OPA1: variants seen among roughly 807,000 people sequenced by gnomAD.
The protein encoded by OPA1 is OPA1 mitochondrial dynamin like GTPase, also known as dynamin-like GTPase OPA1, mitochondrial.
OPA1 carries 59 observed loss-of-function variants against 152.9 expected under a neutral mutation model. That is an observed-to-expected ratio of 0.39 (90% CI 0.31 to 0.48). The LOEUF is 0.48. Among genes scored for constraint, OPA1 ranks in the 20% least tolerant of loss-of-function variants. The pLI, the probability that OPA1 is intolerant of heterozygous loss-of-function variation, is 0.96. For missense variants in OPA1, 1,008 were observed against 1,216.8 expected, an observed-to-expected ratio of 0.83 and a Z score of 2.55; for synonymous variants, 400 against 389.9, an observed-to-expected ratio of 1.03 and a Z score of -0.31.
At chr3:193,641,315 C>G (rs565269514) in intron 11 of OPA1, among the ~76,000 whole-genome samples, 55 of 152,254 alleles carry the variant, frequency 3.6e-4, no homozygotes, top group Admixed American at 2.4e-3. Flanking sequence ...CTTGACCAAC[C>G]CTGAATTCCA....
intron 29 of OPA1, among the ~76,000 whole-genome samples, chr3:193,684,953 G>A (rs1444949888): frequency 6.6e-6 from 1 of 152,112 alleles, no homozygotes; most frequent in African/African-American, 2.4e-5. Context: ...AATTGTACTA[G>A]CCAAAAGGAG....
intron 1 of OPA1, among the ~76,000 whole-genome samples, chr3:193,598,114 AAAT>A (rs1173131164): frequency 8.5e-5 from 13 of 152,208 alleles, no homozygotes; most frequent in African/African-American, 3.1e-4. Context: ...CAAAAATAAA[AAAT>A]AAATATGGGA....
chr3:193,642,696 C>A, intron 11 of OPA1, 69 bp from the exon 12 acceptor site: 1 of 1,170,414 alleles, frequency 8.5e-7, no homozygotes, highest in Non-Finnish European at 1.3e-6. Flanking sequence ...GTCTAGACCA[C>A]ATACGGGCTG....
chr3:193,663,635 T>C (rs1484662889), intron 26 of OPA1, among the ~76,000 whole-genome samples: 1 of 152,066 alleles, frequency 6.6e-6, no homozygotes, highest in Non-Finnish European at 1.5e-5. Context: ...TGAACACAAT[T>C]AGAAAAATAA....
chr3:193,634,073 A>G (rs943364436), intron 8 of OPA1, among the ~76,000 whole-genome samples: 4 of 152,192 alleles, frequency 2.6e-5, no homozygotes, highest in African/African-American at 9.6e-5. Context: ...AAAGATTCCA[A>G]TAAGCTAAAA....
intron 1 of OPA1, among the ~76,000 whole-genome samples, chr3:193,614,234 G>A (rs775459840): frequency 6.6e-6 from 1 of 152,210 alleles, no homozygotes; most frequent in Non-Finnish European, 1.5e-5. Context: ...GTTCTAAACT[G>A]CTAGAAATTT....
At chr3:193,617,153 C>G in intron 3 of OPA1, 25 bp from the exon 4 acceptor site, 1 of 1,348,128 alleles carries the variant, frequency 7.4e-7, no homozygotes, top group Non-Finnish European at 1.1e-6. Flanking sequence ...TAGTTTCATA[C>G]TCTATATGTT....
intron 29 of OPA1, among the ~76,000 whole-genome samples, chr3:193,670,295 A>G (rs189321688): frequency 1.3e-5 from 2 of 152,306 alleles, no homozygotes; most frequent in Non-Finnish European, 1.5e-5. Context: ...AATATTGTAT[A>G]GAGTGTTAAA....
chr3:193,656,152 G>A (rs1713755336), intron 22 of OPA1, among the ~76,000 whole-genome samples: 1 of 152,094 alleles, frequency 6.6e-6, no homozygotes, highest in Non-Finnish European at 1.5e-5. Context: ...TCTGCGCCCT[G>A]TCCCATGATA....
At chr3:193,691,168 C>T (rs897910041) in intron 29 of OPA1, among the ~76,000 whole-genome samples, 2 of 152,210 alleles carry the variant, frequency 1.3e-5, no homozygotes, top group Non-Finnish European at 2.9e-5. Flanking sequence ...CTGCAGTAAG[C>T]CCTGCCAACA....
At position 193,659,498 on chromosome 3, in the gene OPA1, A is replaced by G. The variant is rs1320705585; in HGVS notation, c.2457A>G (p.Glu819=). The G allele has an allele frequency of 1.2e-6, 2 of 1,611,146 alleles. No homozygotes were observed. The highest frequency in any genetic ancestry group is 1.7e-6 in the Non-Finnish European group (2 of 1,178,314). The change falls in exon 25 of 31, where the codon GAA becomes GAG. Residue 819 remains glutamate, a synonymous_variant. Transcript: ENST00000361510. ...TTTTTCTAGCTGAAAATGCAATTGAAAACATGGTGGGTCCAGACTGGAAAA... is the reference window on the plus strand; with the variant it reads ...TTTTTCTAGCTGAAAATGCAATTGAGAACATGGTGGGTCCAGACTGGAAAA... ...ARLKDTENAI[E]NMVGPDWKKR... is the part of the protein sequence containing the mutation.
chr3:193,651,601 A>G (rs1490997699), intron 21 of OPA1, among the ~76,000 whole-genome samples: 1 of 152,214 alleles, frequency 6.6e-6, no homozygotes, highest in Non-Finnish European at 1.5e-5. Flanking sequence ...GGAATTATAT[A>G]GTATTTGGTT....
At chr3:193,654,750 T>C (rs1173483932) in intron 21 of OPA1, 112 bp from the exon 22 acceptor site, 3 of 1,151,818 alleles carry the variant, frequency 2.6e-6, no homozygotes, top group African/African-American at 3.1e-5. Context: ...TGAAAACTTA[T>C]CAAAATTTTA....
At chr3:193,666,091 G>C (rs571211703) in intron 27 of OPA1, among the ~76,000 whole-genome samples, 91 of 152,184 alleles carry the variant, frequency 6.0e-4, no homozygotes, top group Non-Finnish European at 1.2e-3. Context: ...CTAGGTGTCA[G>C]ACAGATATAA....
intron 8 of OPA1, among the ~76,000 whole-genome samples, chr3:193,633,025 T>A (rs181601543): frequency 6.6e-6 from 1 of 152,140 alleles, no homozygotes; most frequent in African/African-American, 2.4e-5. Context: ...ATGTTTTGAG[T>A]CACAGGTTTC....
At chr3:193,617,921 A>C in intron 5 of OPA1, 84 bp downstream of exon 5, 1 of 903,542 alleles carries the variant, frequency 1.1e-6, no homozygotes. Flanking sequence ...TTGCAGACCA[A>C]ATTTATAATG....
chr3:193,615,791 A>G, intron 3 of OPA1, 21 bp downstream of exon 3: 1 of 1,410,962 alleles, frequency 7.1e-7, no homozygotes, highest in Admixed American at 1.7e-5. Context: ...TGAACATTAA[A>G]ATACTTTTTT....
At position 193,666,154 on chromosome 3, in the gene OPA1, T is replaced by C. The variant is rs10937594; in HGVS notation, c.2779-142T>C. 0.44 allele frequency: 317,466 copies of C among 723,842 alleles called. 71,242 individuals are homozygous for C. The highest frequency in any genetic ancestry group is 0.54 in the African/African-American group (31,185 of 57,262). 44.8% of individuals were successfully genotyped at this position (723,842 alleles called of 1,614,324 possible). ...CGTACAGAAAGGATTCTGTAGCTTA[T>C]ATCTACAGTATATGCATTAGGTAAA... On this transcript the variant is annotated intron_variant, in intron 27 of 30. Transcript: ENST00000361510.
intron 11 of OPA1, among the ~76,000 whole-genome samples, chr3:193,639,471 A>G (rs1733427052): frequency 6.6e-6 from 1 of 152,198 alleles, no homozygotes; most frequent in African/African-American, 2.4e-5. Flanking sequence ...TCCTGTGTTC[A>G]GCAAGGAGAA....
Sources: allele counts gnomAD v4.1 joint callset (sites outside exome capture counted in the v4.1 genomes callset), GRCh38; gene constraint gnomAD v4.1.1; transcripts MANE v1.5; gene names NCBI Gene and HGNC (gene_info 2026-07-23, HGNC 2026-07-21).